FHIP1A: variants seen among roughly 807,000 people sequenced by gnomAD.
FHIP1A encodes FHF complex subunit HOOK interacting protein 1A.
Under a neutral mutation model 88.6 loss-of-function variants are expected in FHIP1A, and 61 were observed. The observed-to-expected ratio is 0.69, with a 90% CI of 0.56 to 0.85. The LOEUF (loss-of-function observed/expected upper bound fraction) is 0.85, where lower values mean the gene tolerates loss of function less well. Ranked by LOEUF, FHIP1A falls within the 40% of genes least tolerant of loss-of-function variation. The pLI is 0.00. For synonymous variants in FHIP1A, 478 were observed against 496.0 expected (o/e 0.96, Z 0.48); for missense variants, 1,154 against 1,273.5 (o/e 0.91, Z 1.43).
chr4:151,612,826 T>G (rs1735377255), intron 7 of FHIP1A, among the ~76,000 whole-genome samples: 1 of 152,260 alleles, frequency 6.6e-6, no homozygotes, highest in African/African-American at 2.4e-5. Flanking sequence ...AACAATATTT[T>G]TATTTAATGA....
At chr4:151,627,665 G>A (rs1364378960) in intron 7 of FHIP1A, among the ~76,000 whole-genome samples, 3 of 152,188 alleles carry the variant, frequency 2.0e-5, no homozygotes, top group Non-Finnish European at 4.4e-5. Context: ...AAGTGGATGT[G>A]AGCTAATGTA....
At chr4:151,487,555 A>T (rs918109789) in intron 3 of FHIP1A, among the ~76,000 whole-genome samples, 1 of 152,154 alleles carries the variant, frequency 6.6e-6, no homozygotes, top group African/African-American at 2.4e-5. Flanking sequence ...TCTGGCATTG[A>T]ACTCATTGTT....
intron 3 of FHIP1A, among the ~76,000 whole-genome samples, chr4:151,529,321 A>G (rs925505440): frequency 2.0e-5 from 3 of 152,122 alleles, no homozygotes; most frequent in Non-Finnish European, 4.4e-5. Flanking sequence ...GTGGACTGTC[A>G]TTCTGGGAGT....
intron 2 of FHIP1A, among the ~76,000 whole-genome samples, chr4:151,465,497 G>A (rs150188131): frequency 2.0e-5 from 3 of 152,298 alleles, no homozygotes; most frequent in African/African-American, 7.2e-5. Flanking sequence ...ATTGAAAAAG[G>A]AGGGACTCTT....
chr4:151,467,404 A>G (rs1459164076), intron 2 of FHIP1A, among the ~76,000 whole-genome samples: 8 of 152,222 alleles, frequency 5.3e-5, no homozygotes, highest in Non-Finnish European at 1.2e-4. Flanking sequence ...ACCATTGTGG[A>G]AGACAGTGTG....
At chr4:151,622,818 T>C (rs1735796833) in intron 7 of FHIP1A, among the ~76,000 whole-genome samples, 1 of 152,184 alleles carries the variant, frequency 6.6e-6, no homozygotes, top group Non-Finnish European at 1.5e-5. Flanking sequence ...TTGTTAATTA[T>C]TACCTCAGGA....
chr4:151,459,519 G>C (rs922856087), intron 2 of FHIP1A, among the ~76,000 whole-genome samples: 1 of 152,126 alleles, frequency 6.6e-6, no homozygotes, highest in Non-Finnish European at 1.5e-5. Flanking sequence ...TTCCAAGTTG[G>C]AAGTAAATAC....
chr4:151,418,618 C>T (rs1732990081), intron 1 of FHIP1A, among the ~76,000 whole-genome samples: 1 of 152,156 alleles, frequency 6.6e-6, no homozygotes, highest in African/African-American at 2.4e-5. Context: ...ATTGGCATGC[C>T]AGGAGCAAAC....
intron 7 of FHIP1A, among the ~76,000 whole-genome samples, chr4:151,614,613 A>G (rs1317238134): frequency 6.6e-6 from 1 of 152,100 alleles, no homozygotes; most frequent in African/African-American, 2.4e-5. Flanking sequence ...AGGGAGCAGG[A>G]ATTGCACTGT....
rs891000718 is a variant in FHIP1A at position 151,666,730 on chromosome 4, T to C, written c.*3976T>C. Among the ~76,000 whole-genome samples, 8 of 152,194 alleles carry C rather than the reference T, an allele frequency of 5.3e-5. No individual in the cohort carries two copies. The highest frequency in any genetic ancestry group is 1.9e-4 in the African/African-American group (8 of 41,444). On this transcript the variant is annotated 3_prime_UTR_variant, in exon 14 of 14. Coordinates refer to ENST00000435205, the MANE Select transcript of FHIP1A (RefSeq NM_001109977.3). Reference sequence around the variant, plus strand: ...TAGGGTTGTGGATGGGCTGCTCTTCTGAATCTGGATCAGTGTGTCTAGGTT... The same window carrying C: ...TAGGGTTGTGGATGGGCTGCTCTTCCGAATCTGGATCAGTGTGTCTAGGTT...
intron 1 of FHIP1A, among the ~76,000 whole-genome samples, chr4:151,429,384 C>G (rs1324336366): frequency 1.3e-5 from 2 of 152,116 alleles, no homozygotes; most frequent in Non-Finnish European, 2.9e-5. Flanking sequence ...CACACAATAC[C>G]AATACCAAAG....
chr4:151,411,567 C>T (rs530919360), intron 1 of FHIP1A, among the ~76,000 whole-genome samples: 1 of 151,996 alleles, frequency 6.6e-6, no homozygotes, highest in African/African-American at 2.4e-5. Context: ...CCAGGCTGCC[C>T]TTGAGCTCCT....
chr4:151,477,156 G>A (rs1482105047), intron 2 of FHIP1A, among the ~76,000 whole-genome samples: 5 of 152,046 alleles, frequency 3.3e-5, no homozygotes, highest in African/African-American at 9.7e-5. Flanking sequence ...ACCACAAATA[G>A]GACAATTCTG....
chr4:151,523,202 C>T (rs950185656), intron 3 of FHIP1A, among the ~76,000 whole-genome samples: 12 of 152,158 alleles, frequency 7.9e-5, no homozygotes, highest in Non-Finnish European at 1.6e-4. Flanking sequence ...GAAGAGGTGG[C>T]ATTTTGAAGT....
At chr4:151,612,671 C>G (rs114542552) in intron 7 of FHIP1A, among the ~76,000 whole-genome samples, 1 of 152,188 alleles carries the variant, frequency 6.6e-6, no homozygotes, top group South Asian at 2.1e-4. Flanking sequence ...CGTGAGCCAC[C>G]GCACTCAGTC....
intron 5 of FHIP1A, among the ~76,000 whole-genome samples, chr4:151,578,279 A>G (rs926967996): frequency 1.3e-5 from 2 of 152,222 alleles, no homozygotes; most frequent in African/African-American, 4.8e-5. Context: ...TCAGCTCATC[A>G]TAAGCCAACA....
rs1278770570 is a variant in FHIP1A at position 151,646,639 on chromosome 4, C to T, written c.1308C>T (p.Ala436=). 9.0e-6 allele frequency: 14 copies of T among 1,551,476 alleles called. No homozygotes were observed. Among genetic ancestry groups the T allele is most frequent in the Non-Finnish European group, 1.1e-5 (13 of 1,146,892 alleles). ...KERDCYSVSA[A]KLLALTPVCC... ...GAGACTGTTACTCTGTTTCTGCGGC[C>T]AAGCTTCTCGCCTTGACTCCTGTCT... Residue 436 remains alanine (A), a synonymous_variant, in exon 10 of 14, where the codon GCC becomes GCT. Coordinates refer to ENST00000435205, the MANE Select transcript of FHIP1A (RefSeq NM_001109977.3).
chr4:151,414,831 A>T (rs1173856857), intron 1 of FHIP1A, among the ~76,000 whole-genome samples: 2 of 152,198 alleles, frequency 1.3e-5, no homozygotes, highest in Admixed American at 6.5e-5. Flanking sequence ...TATATCACTA[A>T]CTTAAATGAG....
chr4:151,577,900 A>G lies in FHIP1A; in HGVS notation c.556A>G (p.Thr186Ala), dbSNP rs1202000639. 1.3e-6 allele frequency: 2 copies of G among 1,551,596 alleles called. No homozygotes were observed. The highest frequency in any genetic ancestry group is 2.4e-5 in the East Asian group (1 of 40,908). The change falls in exon 5 of 14, where the codon ACT (threonine) becomes GCT (alanine). Residue 186 changes from threonine (T) to alanine (A), a missense_variant. Coordinates refer to ENST00000435205, the MANE Select transcript of FHIP1A (RefSeq NM_001109977.3). ...ATCCATTTTAGAACTCTTCTTCCAC[A>G]CTAGTGAAGACCAAGGCGCTGCCAA... ...DPSILELFFH[T>A]SEDQGAANFL...
Sources: allele counts gnomAD v4.1 joint callset (sites outside exome capture counted in the v4.1 genomes callset), GRCh38; gene constraint gnomAD v4.1.1; transcripts MANE v1.5; gene names NCBI Gene and HGNC (gene_info 2026-07-23, HGNC 2026-07-21).